The following MAP3K14 variants were observed in gnomAD, a reference collection of about 807,000 sequenced individuals.
The protein encoded by MAP3K14 is mitogen-activated protein kinase kinase kinase 14, also known as NF-kappa-beta-inducing kinase.
A neutral mutation model predicts 99.2 loss-of-function variants in MAP3K14; 16 were observed. The ratio of observed to expected loss-of-function variants is 0.16; its 90% CI spans 0.11 to 0.24. The LOEUF (loss-of-function observed/expected upper bound fraction) is 0.24. MAP3K14 is among the 10% of genes least tolerant of loss of function. The pLI is 1.00. For missense variants in MAP3K14, 784 were observed against 1,208.7 expected, an observed-to-expected ratio of 0.65 and a Z score of 5.21; for synonymous variants, 462 against 492.4, an observed-to-expected ratio of 0.94 and a Z score of 0.82.
intron 6 of MAP3K14, among the ~76,000 whole-genome samples, chr17:45,279,121 T>A (rs2044200466): frequency 6.6e-6 from 1 of 152,162 alleles, no homozygotes; most frequent in African/African-American, 2.4e-5. Flanking sequence ...AACTTCCCTC[T>A]TGTTTTCTTT....
chr17:45,316,788 C>A (rs2044538508), intron 1 of MAP3K14, among the ~76,000 whole-genome samples, 172 bp downstream of exon 1: 1 of 151,830 alleles, frequency 6.6e-6, no homozygotes, highest in East Asian at 1.9e-4. Context: ...GCCCGCGGAC[C>A]GCTGCGAGTG....
In MAP3K14 at chr17:45,286,961, G is replaced by C. The variant is rs778701226; in HGVS notation, c.622C>G (p.Leu208Val). ...CCCTCGCCAAGCTGCTTAAAACAGA[G>C]TTGCCCAAGGCCTGGTTCCTTCAGA... ...KPLKEPGLGQ[L>V]CFKQLGEGLR... is the part of the protein sequence containing the mutation. The change falls in exon 5 of 16, where the codon CTC becomes GTC. Residue 208 changes from leucine (L) to valine (V), a missense_variant. Physicochemically the swap from Leu to Val is conservative, Grantham distance 32. This residue lies in a region of MAP3K14 where 188 missense variants were observed against 313.0 expected (regional missense o/e 0.60). Coordinates refer to ENST00000344686, the MANE Select transcript of MAP3K14 (RefSeq NM_003954.5). The surrounding 1 kb of genome is among the most constrained non-coding windows in gnomAD (Gnocchi z 4.1). 6.2e-7 allele frequency: 1 copy of C among 1,614,058 alleles called. No individual in the cohort carries two copies. The highest frequency in any genetic ancestry group is 8.5e-7 in the Non-Finnish European group (1 of 1,179,902).
In MAP3K14 at chr17:45,267,671, A is replaced by G; in HGVS notation, c.2061T>C (p.His687=). 6.2e-7 allele frequency: 1 copy of G among 1,613,980 alleles called. No individual in the cohort carries two copies. The highest frequency in any genetic ancestry group is 8.5e-7 in the Non-Finnish European group (1 of 1,179,876). The change falls in exon 12 of 16, where the codon CAT becomes CAC. Residue 687 remains histidine (H), a synonymous_variant. Transcript: ENST00000344686. The surrounding 1 kb of genome is among the most constrained non-coding windows in gnomAD (Gnocchi z 5.1). ...PNQANYHQTL[H]AQPRELSPRA... ...TTGGCGAAAGCTCTCTCGGCTGGGC[A>G]TGGAGGGTCTGGTGGTAATTGGCTT...
At chr17:45,270,794 C>T (rs1243035326) in intron 10 of MAP3K14, 31 of 756,030 alleles carry the variant, frequency 4.1e-5, no homozygotes, top group East Asian at 5.4e-5. Flanking sequence ...CCTCCAGGCC[C>T]GGCCCGTTAG....
chr17:45,275,417 AAGGTCGCAATAAGCCG>A (rs1331233642), intron 6 of MAP3K14, among the ~76,000 whole-genome samples: 2 of 150,680 alleles, frequency 1.3e-5, no homozygotes, highest in Non-Finnish European at 3.0e-5. Flanking sequence ...GCAATGAGCC[AAGGTCGCAATAAGCCG>A]AGGTCGCACC....
intron 6 of MAP3K14, among the ~76,000 whole-genome samples, chr17:45,283,582 G>A (rs576040517): frequency 1.3e-5 from 2 of 152,242 alleles, no homozygotes; most frequent in South Asian, 2.1e-4. Context: ...TGGTGGCAGC[G>A]TCTGCTCTGA....
chr17:45,271,071 G>C lies in MAP3K14; in HGVS notation c.1808C>G (p.Pro603Arg), dbSNP rs1185577580. The change falls in exon 10 of 16, where the codon CCG becomes CGG. Residue 603 changes from proline (P) to arginine (R), a missense_variant. By Grantham distance (103) the Pro-to-Arg change is moderately radical. Around this residue, in one of 5 missense-constraint regions of MAP3K14, gnomAD observed 200 missense variants for 367.9 expected, o/e 0.54. Coordinates refer to ENST00000344686, the MANE Select transcript of MAP3K14 (RefSeq NM_003954.5). The part of the protein sequence containing the change: ...CHPWTQFFRG[P>R]LCLKIASEPP... ...GCCGTCACCGACCTTGAGGCAGAGC[G>C]GCCCTCGGAAGAACTGAGTCCAGGG... The C allele has an allele frequency of 1.1e-5, 18 of 1,612,742 alleles. No homozygotes were observed. The highest frequency in any genetic ancestry group is 1.5e-5 in the Non-Finnish European group (18 of 1,179,718).
intron 1 of MAP3K14, among the ~76,000 whole-genome samples, chr17:45,313,529 G>A (rs775200745): frequency 6.6e-5 from 10 of 152,120 alleles, no homozygotes; most frequent in African/African-American, 2.2e-4. Flanking sequence ...GGCAGACCTC[G>A]ACCTGACCCA....
At chr17:45,271,023 T>G in intron 10 of MAP3K14, 35 bp downstream of exon 10, 1 of 1,601,886 alleles carries the variant, frequency 6.2e-7, no homozygotes, top group Non-Finnish European at 8.5e-7. Flanking sequence ...GCCCTGCAGC[T>G]CCCCCTGTTG....
In MAP3K14 at chr17:45,310,337, A is replaced by G. The variant is rs373923395; in HGVS notation, c.-21+6623T>C. 2.1e-3 allele frequency among the ~76,000 whole-genome samples: 318 copies of G among 152,272 alleles called. 4 individuals are homozygous for G. Among genetic ancestry groups the G allele is most frequent in the African/African-American group, 7.3e-3 (305 of 41,566 alleles). On this transcript the variant is annotated intron_variant, in intron 1 of 15. Transcript: ENST00000344686. ...GCACGAGCCACCGTGCCCAGCCTCC[A>G]TTTATAATCTTAACTGGCAACCACA...
chr17:45,284,353 C>T lies in MAP3K14; in HGVS notation c.1290+459G>A, dbSNP rs370549394. ...GCCTGGCCAACAGGGGGCACAGCTC[C>T]GACTCTGGCAGATCTGCCCACTCCC... On this transcript the variant is annotated intron_variant, in intron 6 of 15. Transcript: ENST00000344686. Among the ~76,000 whole-genome samples, 13 of 152,354 alleles carry T rather than the reference C, an allele frequency of 8.5e-5. No homozygotes were observed. The East Asian group carries it at 1.7e-3, about 20-fold the overall frequency.
intron 1 of MAP3K14, among the ~76,000 whole-genome samples, chr17:45,303,963 T>C (rs2044410752): frequency 6.6e-6 from 1 of 152,062 alleles, no homozygotes; most frequent in Non-Finnish European, 1.5e-5. Context: ...TAAGATACTA[T>C]GAATACTATT....
At chr17:45,287,494 G>A (rs756822555) in intron 3 of MAP3K14, 130 bp from the exon 4 acceptor site, 45 of 706,394 alleles carry the variant, frequency 6.4e-5, no homozygotes, top group African/African-American at 1.1e-4. Flanking sequence ...GTGTGAATGC[G>A]GCAAGGTTTC....
rs745358592 is a variant in MAP3K14, at chr17:45,267,552, G to A, written c.2180C>T (p.Ser727Phe). 2 of 1,613,734 alleles carry A rather than the reference G, an allele frequency of 1.2e-6. No homozygotes were observed. The highest frequency in any genetic ancestry group is 3.3e-5 in the Admixed American group (2 of 59,966). Residue 727 changes from serine (S) to phenylalanine (F), a missense_variant, in exon 12 of 16, where the codon TCT (serine) becomes TTT (phenylalanine). Physicochemically the swap from Ser to Phe is radical, Grantham distance 155. Coordinates refer to ENST00000344686, the MANE Select transcript of MAP3K14 (RefSeq NM_003954.5). The surrounding 1 kb of genome is among the most constrained non-coding windows in gnomAD (Gnocchi z 5.1). ...LPPEPPEPNK[S>F]PPLTLSKEES... ...CTCCTTGCTCAAAGTCAAGGGAGGA[G>A]ACTTGTTTGGCTCTGGGGGCTCTGG...
At chr17:45,300,848 A>T (rs1399898290) in intron 1 of MAP3K14, among the ~76,000 whole-genome samples, 1 of 151,890 alleles carries the variant, frequency 6.6e-6, no homozygotes, top group Non-Finnish European at 1.5e-5. Context: ...GGAACAAATT[A>T]AAAAAAACAG....
intron 6 of MAP3K14, among the ~76,000 whole-genome samples, chr17:45,278,772 C>T (rs923121657): frequency 4.6e-5 from 7 of 151,676 alleles, no homozygotes; most frequent in Admixed American, 6.6e-5. Context: ...TCGACCTTCC[C>T]GGGCTCAAGC....
Position 45,264,589 on chromosome 17 carries a change from C to A in MAP3K14, c.*47G>T, listed in dbSNP as rs1433992950. 6.6e-7 allele frequency: 1 copy of A among 1,523,284 alleles called. No homozygotes were observed. Among genetic ancestry groups the A allele is most frequent in the African/African-American group, 1.4e-5 (1 of 72,972 alleles). 94.4% of individuals were successfully genotyped at this position (1,523,284 alleles called of 1,614,324 possible). On this transcript the variant is annotated 3_prime_UTR_variant, in exon 16 of 16. Transcript: ENST00000344686. ...TTTCAGGGCAGCATCGTGCACCGAGCAGGAAGGCTGCTTCCGGCAGTGTGG... is the reference window on the plus strand; with the variant it reads ...TTTCAGGGCAGCATCGTGCACCGAGAAGGAAGGCTGCTTCCGGCAGTGTGG...
At chr17:45,282,542 G>A (rs549644841) in intron 6 of MAP3K14, among the ~76,000 whole-genome samples, 3 of 126,272 alleles carry the variant, frequency 2.4e-5, no homozygotes, top group African/African-American at 6.2e-5. Flanking sequence ...ACAACAGAGC[G>A]AGATCCTGTC....
intron 6 of MAP3K14, among the ~76,000 whole-genome samples, chr17:45,280,342 C>T (rs9899092): frequency 0.03 from 3,961 of 134,052 alleles, 208 homozygotes; most frequent in African/African-American, 0.11. Flanking sequence ...CTTGCTCTGT[C>T]GCCCAGGCTG....
Sources: gnomAD v4.1 joint callset for allele counts (sites outside exome capture counted in the v4.1 genomes callset) on GRCh38, gnomAD v4.1.1 for gene constraint, gnomAD v4.1.1 regional missense constraint, Gnocchi (gnomAD v3.1) non-coding constraint, MANE v1.5 for transcripts, NCBI Gene and HGNC (gene_info 2026-07-23, HGNC 2026-07-21) for gene names.